The following E2F4 variants were observed in gnomAD, a reference collection of about 807,000 sequenced individuals.
E2F4 encodes transcription factor E2F4.
In E2F4, 16 loss-of-function variants were observed where a neutral mutation model predicts 44.5. That is an observed-to-expected ratio of 0.36 (90% confidence interval 0.24 to 0.55). The LOEUF (loss-of-function observed/expected upper bound fraction) is 0.55, where lower values mean the gene tolerates loss of function less well. E2F4 is among the 20% of genes least tolerant of loss of function. The pLI, the probability that E2F4 is intolerant of heterozygous loss-of-function variation, is 0.87. For synonymous variants in E2F4, 242 were observed against 207.2 expected (o/e 1.17, Z -1.44); for missense variants, 473 against 522.1 (o/e 0.91, Z 0.92).
At chr16:67,192,461 C>G in intron 1 of E2F4, 99 bp downstream of exon 1, 16 of 1,360,028 alleles carry the variant, frequency 1.2e-5, no homozygotes, top group Non-Finnish European at 1.4e-5. Flanking sequence ...CTCCGAGAGC[C>G]GGCCGCCATC....
At chr16:67,193,578 G>A (rs972212012) in intron 4 of E2F4, 63 bp downstream of exon 4, 1 of 1,546,304 alleles carries the variant, frequency 6.5e-7, no homozygotes, top group African/African-American at 1.4e-5. Context: ...CTGAGCACTG[G>A]GCTCAGTGTC....
Position 67,194,690 on chromosome 16 carries a change from T to C in E2F4, c.518T>C (p.Leu173Pro). 1.2e-6 allele frequency: 2 copies of C among 1,611,346 alleles called. No individual in the cohort carries two copies. Among genetic ancestry groups the C allele is most frequent in the Non-Finnish European group, 1.7e-6 (2 of 1,177,578 alleles). Residue 173 changes from leucine (L) to proline (P), a missense_variant, in exon 6 of 10, where the codon CTC (leucine) becomes CCC (proline). By Grantham distance (98) the Leu-to-Pro change is moderately conservative (BLOSUM62 -3). Transcript: ENST00000379378. ...TSLEVPIPEG[L>P]NGQKKYQIHL... Reference sequence around the variant, plus strand: ...TCCCTTACCACCCATCTCTAGGGTCTCAATGGGCAGAAGAAGTACCAGATT... The same window carrying C: ...TCCCTTACCACCCATCTCTAGGGTCCCAATGGGCAGAAGAAGTACCAGATT...
Position 67,197,652 on chromosome 16 carries a change from C to T in E2F4, c.1081+6C>T, listed in dbSNP as rs769947373. The T allele has an allele frequency of 6.2e-7, 1 of 1,614,126 alleles. No individual in the cohort carries two copies. The highest frequency in any genetic ancestry group is 1.1e-5 in the South Asian group (1 of 91,068). On this transcript the variant is annotated splice_donor_region_variant and intron_variant, in intron 8 of 9. Transcript: ENST00000379378. ...AATCTTTGATCCCACACGAGGTAGG[C>T]TGCTGCATTCCTCCCTGAGGCTAGG... is the stretch of plus-strand genomic sequence containing the variant.
At chr16:67,194,497 G>A in intron 5 of E2F4, 38 bp downstream of exon 5, 1 of 1,611,538 alleles carries the variant, frequency 6.2e-7, no homozygotes, top group Non-Finnish European at 8.5e-7. Context: ...TCAGCTGAGG[G>A]CGGGTGCTGG....
At chr16:67,194,333 A>G in intron 4 of E2F4, 65 bp from the exon 5 acceptor site, 2 of 1,570,436 alleles carry the variant, frequency 1.3e-6, no homozygotes, top group Non-Finnish European at 1.7e-6. Context: ...TCCAAAAGGC[A>G]GGCACCTCTG....
Position 67,192,285 on chromosome 16 carries a change from A to G in E2F4, c.58A>G (p.Lys20Glu). 7.4e-7 allele frequency: 1 copy of G among 1,343,336 alleles called. No homozygotes were observed. The highest frequency in any genetic ancestry group is 2.2e-5 in the South Asian group (1 of 44,458). The allele number at this position is 1,343,336 out of a possible 1,614,324, so 83.2% of individuals were successfully genotyped here. The part of the protein sequence containing the change: ...PPPGTPSRHE[K>E]SLGLLTTKFV... ...CCCGGGCACTCCAAGCCGGCACGAA[A>G]AGAGCCTGGGACTGCTCACCACCAA... Residue 20 changes from lysine (K) to glutamate (E), a missense_variant, in exon 1 of 10, where the codon AAG becomes GAG. By Grantham distance (56) the Lys-to-Glu change is moderately conservative. Around this residue, in one of 3 missense-constraint regions of E2F4, gnomAD observed 40 missense variants for 30.8 expected, o/e 1.30. Coordinates refer to ENST00000379378, the MANE Select transcript of E2F4 (RefSeq NM_001950.4).
intron 5 of E2F4, 82 bp from the exon 6 acceptor site, chr16:67,194,604 T>C: frequency 3.8e-6 from 6 of 1,573,008 alleles, no homozygotes; most frequent in Middle Eastern, 3.4e-4. Context: ...GAGAGGACAC[T>C]GTGGTCCTGA....
At chr16:67,197,950 G>T in intron 9 of E2F4, 39 bp downstream of exon 9, 1 of 1,614,162 alleles carries the variant, frequency 6.2e-7, no homozygotes, top group Non-Finnish European at 8.5e-7. Flanking sequence ...TGTGGGCAGG[G>T]GTTGGGCTGC....
rs761251681 is a variant in E2F4, at chr16:67,194,739, C to T, written c.567C>T (p.Pro189=). The part of the protein sequence containing the change: ...YQIHLKSVSG[P]IEVLLVNKEA... ...TTCACCTGAAGAGTGTGAGTGGTCC[C>T]ATTGAGGTTCTGCTGGTGAACAAGG... is the stretch of plus-strand genomic sequence containing the variant. Residue 189 remains proline (P), a synonymous_variant, in exon 6 of 10, where the codon CCC becomes CCT. Coordinates refer to ENST00000379378, the MANE Select transcript of E2F4 (RefSeq NM_001950.4). 17 of 1,614,042 alleles carry T rather than the reference C, an allele frequency of 1.1e-5. No homozygotes were observed. Among genetic ancestry groups the T allele is most frequent in the South Asian group, 3.3e-5 (3 of 91,088 alleles).
At chr16:67,194,612 T>C in intron 5 of E2F4, 74 bp from the exon 6 acceptor site, 1 of 1,580,756 alleles carries the variant, frequency 6.3e-7, no homozygotes, top group Non-Finnish European at 8.6e-7. Context: ...ACTGTGGTCC[T>C]GACCCGGAGT....
At chr16:67,192,981 C>T (rs935711154) in intron 2 of E2F4, 28 bp from the exon 3 acceptor site, 7 of 1,561,390 alleles carry the variant, frequency 4.5e-6, no homozygotes, top group African/African-American at 1.4e-5. Context: ...TCTCAGCAGT[C>T]CCTCTCAGCC....
chr16:67,194,123 C>G (rs1052303967), intron 4 of E2F4: 2 of 455,746 alleles, frequency 4.4e-6, no homozygotes, highest in African/African-American at 2.0e-5. Context: ...CTAGAACACC[C>G]TCACCTAGGG....
At position 67,195,822 on chromosome 16, in the gene E2F4, G is replaced by A. The variant is rs1190565666; in HGVS notation, c.849G>A (p.Glu283=). The A allele has an allele frequency of 4.3e-6, 7 of 1,613,960 alleles. No individual in the cohort carries two copies. The highest frequency in any genetic ancestry group is 5.9e-6 in the Non-Finnish European group (7 of 1,180,028). Reference sequence around the variant, plus strand: ...GGACTGATAGCAAGGACAGTGGTGAGCTCAGTTCACTCCCACTGGGCCCAA... The same window carrying A: ...GGACTGATAGCAAGGACAGTGGTGAACTCAGTTCACTCCCACTGGGCCCAA... ...GPGTDSKDSG[E]LSSLPLGPTT... is the part of the protein sequence containing the mutation. Residue 283 remains glutamate (E), a synonymous_variant, in exon 7 of 10, where the codon GAG becomes GAA. Transcript: ENST00000379378.
At position 67,195,999 on chromosome 16, in the gene E2F4, C is replaced by A. The variant is rs1417160409; in HGVS notation, c.1026C>A (p.Pro342=). The A allele has an allele frequency of 6.2e-7, 1 of 1,614,072 alleles. No homozygotes were observed. Among genetic ancestry groups the A allele is most frequent in the Admixed American group, 1.7e-5 (1 of 60,018 alleles). Residue 342 remains proline, a synonymous_variant, in exon 7 of 10, where the codon CCC becomes CCA. Coordinates refer to ENST00000379378, the MANE Select transcript of E2F4 (RefSeq NM_001950.4). ...CCTTTGAGCCCATCAAGGCAGACCC[C>A]ACAGGTGGTGAGTACCTGCCCCCTG... The part of the protein sequence containing the change: ...STSFEPIKAD[P]TGVLELPKEL...
Position 67,198,863 on chromosome 16 carries a change from AGG to A in E2F4, c.*741_*742del. 2.4e-6 allele frequency: 1 copy of A among 416,562 alleles called. No individual in the cohort carries two copies. The highest frequency in any genetic ancestry group is 4.3e-6 in the Non-Finnish European group (1 of 233,718). 25.8% of individuals were successfully genotyped at this position (416,562 alleles called of 1,614,324 possible). ...TTATTTTTATACTTTTTGCAGCAAA[AGG>A]AAATTGTAATATTTGTACAGTGTTC... is the stretch of plus-strand genomic sequence containing the variant. On this transcript the variant is annotated 3_prime_UTR_variant, in exon 10 of 10. Coordinates refer to ENST00000379378, the MANE Select transcript of E2F4 (RefSeq NM_001950.4).
rs1397129640 is a variant in E2F4, at chr16:67,194,728, G to A, written c.556G>A (p.Val186Met). ...QKKYQIHLKS[V>M]SGPIEVLLVN... The stretch of plus-strand genomic sequence containing the variant: ...GAAGTACCAGATTCACCTGAAGAGT[G>A]TGAGTGGTCCCATTGAGGTTCTGCT... The change falls in exon 6 of 10, where the codon GTG becomes ATG. Residue 186 changes from valine (V) to methionine (M), a missense_variant. Physicochemically the swap from Val to Met is conservative, Grantham distance 21 (BLOSUM62 1). Around this residue, in one of 3 missense-constraint regions of E2F4, gnomAD observed 314 missense variants for 315.6 expected, o/e 0.99. Coordinates refer to ENST00000379378, the MANE Select transcript of E2F4 (RefSeq NM_001950.4). 2.5e-6 allele frequency: 4 copies of A among 1,614,180 alleles called. No individual in the cohort carries two copies. The highest frequency in any genetic ancestry group is 4.5e-5 in the East Asian group (2 of 44,884).
At position 67,195,813 on chromosome 16, in the gene E2F4, C is replaced by T. The variant is rs188113549; in HGVS notation, c.840C>T (p.Asp280=). The T allele has an allele frequency of 1.3e-5, 21 of 1,614,112 alleles. No individual in the cohort carries two copies. In the Admixed American group the frequency reaches 1.3e-4, roughly 10 times the overall value. Residue 280 remains aspartate (D), a synonymous_variant, in exon 7 of 10, where the codon GAC becomes GAT. Transcript: ENST00000379378. ...GCGGCCCTGGGACTGATAGCAAGGACAGTGGTGAGCTCAGTTCACTCCCAC... is the reference window on the plus strand; with the variant it reads ...GCGGCCCTGGGACTGATAGCAAGGATAGTGGTGAGCTCAGTTCACTCCCAC... ...VSGGPGTDSK[D]SGELSSLPLG... is the part of the protein sequence containing the mutation.
rs1256598988 is a variant in E2F4, at chr16:67,196,021, C to G, written c.1033+15C>G. On this transcript the variant is annotated intron_variant, in intron 7 of 9. Transcript: ENST00000379378. ...CCCCACAGGTGGTGAGTACCTGCCC[C>G]CTGGGGGCAGAGAGAGAGAGTCTAG... 1 of 1,612,884 alleles carries G rather than the reference C, an allele frequency of 6.2e-7. No individual in the cohort carries two copies.
At position 67,192,554 on chromosome 16, in the gene E2F4, C is replaced by T. The variant is rs370706551; in HGVS notation, c.135+192C>T. On this transcript the variant is annotated intron_variant, in intron 1 of 9. Transcript: ENST00000379378. ...TCGAGCTACAGCTATGGGCCAGGCT[C>T]GGGCTGCAGGTGTTCGTCCTCGTGG... The T allele has an allele frequency of 2.5e-4, 255 of 1,024,646 alleles. 3 individuals carry two copies. In the South Asian group the frequency reaches 3.7e-3, roughly 15 times the overall value. 63.5% of individuals were successfully genotyped at this position (1,024,646 alleles called of 1,614,324 possible).
Sources: gnomAD v4.1 joint callset for allele counts on GRCh38, gnomAD v4.1.1 for gene constraint, gnomAD v4.1.1 regional missense constraint, MANE v1.5 for transcripts, NCBI Gene and HGNC (gene_info 2026-07-23, HGNC 2026-07-21) for gene names.